Variants in LCP1 observed in about 807,000 individuals in gnomAD.
LCP1 encodes the protein plastin-2.
Under a neutral mutation model 72.0 loss-of-function variants are expected in LCP1, and 23 were observed. That is an observed-to-expected ratio of 0.32 (90% confidence interval 0.23 to 0.45). The LOEUF is 0.45. Ranked by LOEUF, LCP1 falls within the 20% of genes least tolerant of loss-of-function variation. LCP1 has a pLI of 1.00. For missense variants in LCP1, 571 were observed against 748.3 expected (o/e 0.76, Z 2.76); for synonymous variants, 245 against 275.4 (o/e 0.89, Z 1.09).
chr13:46,126,509 C>T lies in LCP1; in HGVS notation c.*1082G>A. 1 of 232,042 alleles carries T rather than the reference C, an allele frequency of 4.3e-6. No homozygotes were observed. The highest frequency in any genetic ancestry group is 8.5e-6 in the Non-Finnish European group (1 of 117,072). 14.4% of individuals were successfully genotyped at this position (232,042 alleles called of 1,614,324 possible). Reference sequence around the variant, plus strand: ...GGTGCTATTGATTGGCACATATTGTCCCCCCTGGAGTTTAGGGGTGGCAGA... The same window carrying T: ...GGTGCTATTGATTGGCACATATTGTTCCCCCTGGAGTTTAGGGGTGGCAGA... On this transcript the variant is annotated 3_prime_UTR_variant, in exon 16 of 16. Transcript: ENST00000323076.
At chr13:46,129,234 C>G (rs1193338601) in intron 15 of LCP1, among the ~76,000 whole-genome samples, 1 of 152,114 alleles carries the variant, frequency 6.6e-6, no homozygotes, top group Non-Finnish European at 1.5e-5. Context: ...GTATCTCGCC[C>G]TCACAGGAGA....
intron 13 of LCP1, among the ~76,000 whole-genome samples, chr13:46,138,517 C>T (rs1314140331): frequency 6.6e-6 from 1 of 152,120 alleles, no homozygotes; most frequent in Non-Finnish European, 1.5e-5. Flanking sequence ...GCAGAGTGGA[C>T]CTTGTTGTGT....
intron 1 of LCP1, among the ~76,000 whole-genome samples, chr13:46,168,901 T>C (rs1427559493): frequency 6.6e-6 from 1 of 152,238 alleles, no homozygotes; most frequent in Non-Finnish European, 1.5e-5. Context: ...ACCTGCTTTT[T>C]TAGGGCTTAT....
chr13:46,156,495 G>A lies in LCP1; in HGVS notation c.434C>T (p.Pro145Leu), dbSNP rs2045801914. ...GAGATCATTCGTGTTTGGGTTCATTGGGATGACATGCCGACAATCAGGATC... is the reference window on the plus strand; with the variant it reads ...GAGATCATTCGTGTTTGGGTTCATTAGGATGACATGCCGACAATCAGGATC... ...ENDPDCRHVI[P>L]MNPNTNDLFN... Residue 145 changes from proline to leucine, a missense_variant, in exon 5 of 16, where the codon CCA becomes CTA. Physicochemically the swap from Pro to Leu is moderately conservative, Grantham distance 98. Transcript: ENST00000323076. The A allele has an allele frequency of 1.2e-6, 2 of 1,614,128 alleles. No individual in the cohort carries two copies. The highest frequency in any genetic ancestry group is 1.7e-6 in the Non-Finnish European group (2 of 1,179,998).
chr13:46,136,173 T>C (rs969412602), intron 13 of LCP1, among the ~76,000 whole-genome samples: 4 of 151,546 alleles, frequency 2.6e-5, no homozygotes, highest in Non-Finnish European at 5.9e-5. Context: ...CACACCTCCA[T>C]CCTCCTTCTG....
Position 46,127,647 on chromosome 13 carries a change from T to TG in LCP1, c.1827dup (p.Lys610GlnfsTer56). ...CAGGCAAACACGGTCATGACCATTTTGGGGTTCACTTCAACCAGGTCTTCT... is the reference window on the plus strand; with the variant it reads ...CAGGCAAACACGGTCATGACCATTTTGGGGGTTCACTTCAACCAGGTCTTCT... On this transcript the variant is annotated frameshift_variant, in exon 16 of 16. Coordinates refer to ENST00000323076, the MANE Select transcript of LCP1 (RefSeq NM_002298.5). LOFTEE classifies it high-confidence loss of function. The TG allele has an allele frequency of 6.2e-7, 1 of 1,614,196 alleles. No individual in the cohort carries two copies. Among genetic ancestry groups the TG allele is most frequent in the Non-Finnish European group, 8.5e-7 (1 of 1,180,016 alleles).
chr13:46,134,307 C>T, intron 13 of LCP1, 57 bp from the exon 14 acceptor site: 1 of 1,550,026 alleles, frequency 6.5e-7, no homozygotes. Context: ...TTAATATAAA[C>T]AAAAAGTAGC....
intron 14 of LCP1, among the ~76,000 whole-genome samples, chr13:46,133,820 C>T (rs1439372071): frequency 6.6e-6 from 1 of 151,946 alleles, no homozygotes; most frequent in African/African-American, 2.4e-5. Context: ...TATTTGTACC[C>T]CAAACCTCAG....
At chr13:46,134,340 G>A in intron 13 of LCP1, 90 bp from the exon 14 acceptor site, 1 of 1,241,754 alleles carries the variant, frequency 8.1e-7, no homozygotes, top group Non-Finnish European at 1.1e-6. Flanking sequence ...TTTTTTTTCG[G>A]GTATGTCATA....
chr13:46,164,348 T>C (rs940435036), intron 1 of LCP1, among the ~76,000 whole-genome samples: 4 of 152,238 alleles, frequency 2.6e-5, no homozygotes, highest in Non-Finnish European at 4.4e-5. Context: ...AAATTTTTTT[T>C]ACCATAAAAA....
At position 46,144,470 on chromosome 13, in the gene LCP1, C is replaced by T. The variant is rs754816886; in HGVS notation, c.1225G>A (p.Val409Ile). ...TACAAATGATTGACTCGAGGGTTAACACCCAGGGAGTTCATCCAGTTCCTA... is the reference window on the plus strand; with the variant it reads ...TACAAATGATTGACTCGAGGGTTAATACCCAGGGAGTTCATCCAGTTCCTA... The part of the protein sequence containing the change: ...TFRNWMNSLG[V>I]NPRVNHLYSD... Residue 409 changes from valine (V) to isoleucine (I), a missense_variant, in exon 11 of 16, where the codon GTT becomes ATT. Coordinates refer to ENST00000323076, the MANE Select transcript of LCP1 (RefSeq NM_002298.5). The T allele has an allele frequency of 6.2e-7, 1 of 1,613,602 alleles. No homozygotes were observed. Among genetic ancestry groups the T allele is most frequent in the Non-Finnish European group, 8.5e-7 (1 of 1,179,500 alleles).
Position 46,143,383 on chromosome 13 carries a change from G to A in LCP1, c.1275C>T (p.Val425=). The A allele has an allele frequency of 1.2e-6, 2 of 1,613,596 alleles. No individual in the cohort carries two copies. The highest frequency in any genetic ancestry group is 1.1e-5 in the South Asian group (1 of 91,030). The change falls in exon 12 of 16, where the codon GTC becomes GTT. Residue 425 remains valine (V), a synonymous_variant. Transcript: ENST00000323076. The stretch of plus-strand genomic sequence containing the variant: ...TGATCTTTTCATAGAGCTGGAAGAT[G>A]ACCAGGGCATCTGATAAGTCACTGA... ...HLYSDLSDAL[V]IFQLYEKIKV...
intron 7 of LCP1, 95 bp downstream of exon 7, chr13:46,152,685 A>G: frequency 7.6e-7 from 1 of 1,319,244 alleles, no homozygotes; most frequent in Non-Finnish European, 1.0e-6. Context: ...GTAGTTTTCA[A>G]AACTTGAGAA....
At chr13:46,164,202 G>A (rs1030990723) in intron 1 of LCP1, among the ~76,000 whole-genome samples, 4 of 152,272 alleles carry the variant, frequency 2.6e-5, no homozygotes, top group Non-Finnish European at 5.9e-5. Context: ...AGCAGCTAGC[G>A]ATAAATATAA....
chr13:46,133,660 A>C (rs1483484521), intron 14 of LCP1, among the ~76,000 whole-genome samples: 1 of 151,870 alleles, frequency 6.6e-6, no homozygotes, highest in Non-Finnish European at 1.5e-5. Flanking sequence ...ATAAATAATA[A>C]AAAATATTAA....
At chr13:46,142,647 C>T in intron 12 of LCP1, 2 of 584,054 alleles carry the variant, frequency 3.4e-6, no homozygotes, top group East Asian at 3.3e-5. Flanking sequence ...ATGTGGAAAA[C>T]TGAAATGAAT....
intron 1 of LCP1, among the ~76,000 whole-genome samples, chr13:46,163,633 T>A (rs6561299): frequency 0.11 from 11,586 of 109,112 alleles, 1,544 homozygotes; most frequent in African/African-American, 0.35. Flanking sequence ...AATGATCAAT[T>A]AAAAAAAAAA....
intron 1 of LCP1, among the ~76,000 whole-genome samples, chr13:46,162,562 G>A (rs1180920357): frequency 6.6e-6 from 1 of 152,078 alleles, no homozygotes; most frequent in Non-Finnish European, 1.5e-5. Flanking sequence ...TCGGCCTCCG[G>A]AGGTGCTGGG....
chr13:46,160,389 A>AAC (rs2138264816), intron 1 of LCP1, among the ~76,000 whole-genome samples: 2 of 152,328 alleles, frequency 1.3e-5, no homozygotes, highest in African/African-American at 4.8e-5. Flanking sequence ...AAGCAACTAA[A>AAC]ACACTTCACT....
Sources: allele counts gnomAD v4.1 joint callset (sites outside exome capture counted in the v4.1 genomes callset), GRCh38; gene constraint gnomAD v4.1.1; transcripts MANE v1.5; gene names NCBI Gene and HGNC (gene_info 2026-07-23, HGNC 2026-07-21).